The following TIAM2 variants were observed in gnomAD, a reference collection of about 807,000 sequenced individuals.
The protein encoded by TIAM2 is rho guanine nucleotide exchange factor TIAM2.
In TIAM2, 80 loss-of-function variants were observed where a neutral mutation model predicts 152.9. That is an observed-to-expected ratio of 0.52 (90% confidence interval 0.44 to 0.63). The LOEUF is 0.63. TIAM2 is among the 30% of genes least tolerant of loss of function. The probability of loss-of-function intolerance (pLI) is 0.00; values close to 1 mark genes in which losing one functional copy is unlikely to be tolerated. For missense variants in TIAM2, 1,965 were observed against 2,120.1 expected (o/e 0.93, Z 1.44); for synonymous variants, 804 against 838.0 (o/e 0.96, Z 0.70).
At chr6:155,256,024 G>GGGT (rs61168889) in intron 26 of TIAM2, 9 of 196,018 alleles carry the variant, frequency 4.6e-5, no homozygotes, top group Non-Finnish European at 4.0e-5. Flanking sequence ...AAAAAAGGGG[G>GGGT]GGGGAGGGGC....
chr6:155,178,985 T>A, intron 10 of TIAM2, 54 bp from the exon 11 acceptor site: 1 of 1,349,892 alleles, frequency 7.4e-7, no homozygotes, highest in Non-Finnish European at 1.0e-6. Context: ...TGCTAACCAA[T>A]GATGGATTTA....
intron 2 of TIAM2, among the ~76,000 whole-genome samples, chr6:155,111,298 T>TAC (rs57988099): frequency 0.14 from 19,384 of 138,166 alleles, 1,449 homozygotes; most frequent in Middle Eastern, 0.19. Context: ...ATTCTTGGAA[T>TAC]ACACACACAC....
intron 4 of TIAM2, among the ~76,000 whole-genome samples, chr6:155,131,300 C>T (rs1388789592): frequency 1.3e-5 from 2 of 150,514 alleles, no homozygotes; most frequent in Admixed American, 6.6e-5. Flanking sequence ...GCAGAGGTTG[C>T]AGTGAGCTGA....
At chr6:155,030,600 T>C (rs1776804349) in intron 1 of TIAM2, among the ~76,000 whole-genome samples, 1 of 152,136 alleles carries the variant, frequency 6.6e-6, no homozygotes, top group African/African-American at 2.4e-5. Flanking sequence ...CTGTGGGGAA[T>C]GCTTGCCAAT....
intron 14 of TIAM2, among the ~76,000 whole-genome samples, chr6:155,202,290 A>G (rs1781489552): frequency 6.6e-6 from 1 of 152,266 alleles, no homozygotes; most frequent in Admixed American, 6.5e-5. Context: ...GGCACAGTAC[A>G]GCTAATGTCA....
rs1778020320 is a variant in TIAM2, at chr6:155,079,607, T to A, written c.-208-10682T>A. Among the ~76,000 whole-genome samples the A allele has an allele frequency of 2.0e-5, 3 of 152,216 alleles. No individual in the cohort carries two copies. The South Asian group carries it at 6.2e-4, about 32-fold the overall frequency. ...GGTTCAGATGTTCATCTTGTGAAAC[T>A]TGGAGCTGACTCTTTATGGATCCTA... On this transcript the variant is annotated intron_variant, in intron 1 of 26. Transcript: ENST00000682666.
chr6:155,071,092 G>C (rs758488030), intron 1 of TIAM2, among the ~76,000 whole-genome samples: 2 of 152,148 alleles, frequency 1.3e-5, no homozygotes, highest in Non-Finnish European at 2.9e-5. Context: ...AGGATGGCTC[G>C]TGCCCGAGAG....
chr6:155,095,876 A>G (rs1778410128), intron 2 of TIAM2, among the ~76,000 whole-genome samples: 1 of 152,192 alleles, frequency 6.6e-6, no homozygotes, highest in Admixed American at 6.5e-5. Flanking sequence ...CAATGTTCCA[A>G]TATAACCTTC....
intron 19 of TIAM2, among the ~76,000 whole-genome samples, chr6:155,246,843 A>G (rs931637658): frequency 2.0e-5 from 3 of 152,248 alleles, no homozygotes; most frequent in Non-Finnish European, 4.4e-5. Context: ...AGAATGTTGT[A>G]GATTTTGATC....
intron 4 of TIAM2, among the ~76,000 whole-genome samples, chr6:155,134,745 G>A (rs568091698): frequency 7.9e-5 from 12 of 151,390 alleles, no homozygotes; most frequent in African/African-American, 2.7e-4. Flanking sequence ...TCGCTCTGTC[G>A]CCGAGGCTGG....
chr6:155,009,065 T>C (rs1395112458), intron 1 of TIAM2, among the ~76,000 whole-genome samples: 4 of 147,406 alleles, frequency 2.7e-5, no homozygotes, highest in Admixed American at 1.3e-4. Flanking sequence ...CTCTGGGTCC[T>C]GTCCTCTGTT....
intron 1 of TIAM2, among the ~76,000 whole-genome samples, chr6:155,048,574 C>A (rs1777254414): frequency 2.6e-5 from 4 of 152,040 alleles, no homozygotes. Context: ...TCAGGGGTGT[C>A]CTGGGATAAA....
rs564628067 is a variant in TIAM2 at position 155,186,549 on chromosome 6, C to T, written c.3064+3049C>T. On this transcript the variant is annotated intron_variant, in intron 14 of 26. Transcript: ENST00000682666. The surrounding 1 kb of genome is among the most constrained non-coding windows in gnomAD (Gnocchi z 4.5). ...TGAAGATGCTGAGCCTCACTTTTCT[C>T]ATCCAGAGGATAATGTTTCTCCCCT... Among the ~76,000 whole-genome samples the T allele has an allele frequency of 1.1e-4, 17 of 152,292 alleles. No individual in the cohort carries two copies. Among genetic ancestry groups the T allele is most frequent in the African/African-American group, 4.1e-4 (17 of 41,568 alleles).
chr6:155,243,112 T>C (rs867662985), intron 16 of TIAM2, among the ~76,000 whole-genome samples: 9 of 152,314 alleles, frequency 5.9e-5, no homozygotes, highest in Middle Eastern at 6.8e-3. Context: ...CCCACTATAC[T>C]GTCCTGCTGG....
rs1162214164 is a variant in TIAM2 at position 155,254,152 on chromosome 6, G to T, written c.4313+92G>T. 8 of 1,363,252 alleles carry T rather than the reference G, an allele frequency of 5.9e-6. No homozygotes were observed. In the Admixed American group the frequency reaches 1.5e-4, roughly 25 times the overall value. 84.4% of individuals were successfully genotyped at this position (1,363,252 alleles called of 1,614,324 possible). ...TATATTTAGTGCCCTCCTGAATTTT[G>T]ATGATATCAGGGTCATACTCCCCAC... is the stretch of plus-strand genomic sequence containing the variant. On this transcript the variant is annotated intron_variant, in intron 25 of 26. Coordinates refer to ENST00000682666, the MANE Select transcript of TIAM2 (RefSeq NM_012454.4).
At chr6:155,139,237 A>G (rs1008483259) in intron 5 of TIAM2, among the ~76,000 whole-genome samples, 5 of 152,200 alleles carry the variant, frequency 3.3e-5, no homozygotes, top group Admixed American at 2.0e-4. Context: ...TGCTTCCCCA[A>G]CCGTGGAGGG....
chr6:155,073,493 T>C (rs1028966134), intron 1 of TIAM2, among the ~76,000 whole-genome samples: 1 of 152,174 alleles, frequency 6.6e-6, no homozygotes, highest in Admixed American at 6.5e-5. Context: ...TAGAAGGGCC[T>C]GCGTCCATAG....
intron 23 of TIAM2, 61 bp from the exon 24 acceptor site, chr6:155,252,887 A>T: frequency 3.4e-6 from 5 of 1,454,278 alleles, no homozygotes; most frequent in Non-Finnish European, 4.8e-6. Context: ...TTCACTGTGC[A>T]CACATCCTCC....
intron 3 of TIAM2, among the ~76,000 whole-genome samples, chr6:155,128,304 C>G (rs955868146): frequency 4.6e-5 from 7 of 151,988 alleles, no homozygotes; most frequent in African/African-American, 1.7e-4. Context: ...ATTTTTTCCC[C>G]CATTTTTCAT....
Sources: allele counts gnomAD v4.1 joint callset (sites outside exome capture counted in the v4.1 genomes callset), GRCh38; gene constraint gnomAD v4.1.1; non-coding constraint Gnocchi (gnomAD v3.1); transcripts MANE v1.5; gene names NCBI Gene and HGNC (gene_info 2026-07-23, HGNC 2026-07-21).